Variants in COL21A1 observed in about 807,000 individuals in gnomAD.
COL21A1 encodes collagen type XXI alpha 1 chain, also known as collagen alpha-1(XXI) chain.
COL21A1 carries 149 observed loss-of-function variants against 137.9 expected under a neutral mutation model. That is an observed-to-expected ratio of 1.08 (90% confidence interval 0.95 to 1.24). COL21A1 has a LOEUF of 1.24. Among genes scored for constraint, COL21A1 ranks in the 50% most tolerant of loss-of-function variants. The probability of loss-of-function intolerance (pLI) is 0.00; values close to 1 mark genes in which losing one functional copy is unlikely to be tolerated. For synonymous variants in COL21A1, 456 were observed against 391.5 expected (o/e 1.16, Z -1.95); for missense variants, 1,167 against 1,158.4 (o/e 1.01, Z -0.11).
chr6:56,296,440 C>G (rs1015000484), intron 1 of COL21A1, among the ~76,000 whole-genome samples: 5 of 151,874 alleles, frequency 3.3e-5, no homozygotes, highest in Admixed American at 2.0e-4. Context: ...AAAATTTGGT[C>G]CATGATACTT....
chr6:56,141,985 T>G lies in COL21A1; in HGVS notation c.1435-2A>C. ...TGTCCCTGCAATTCCCTGATATCCC[T>G]AAAGAAAAATTTAAAAAGAAAAAAA... On this transcript the variant is annotated splice_acceptor_variant, in intron 10 of 29. Coordinates refer to ENST00000244728, the MANE Select transcript of COL21A1 (RefSeq NM_030820.4). LOFTEE classifies it high-confidence loss of function. The G allele has an allele frequency of 2.0e-6, 3 of 1,514,938 alleles. No homozygotes were observed. The South Asian group carries it at 3.9e-5, about 19-fold the overall frequency. 93.8% of individuals were successfully genotyped at this position (1,514,938 alleles called of 1,614,324 possible).
chr6:56,374,985 C>G (rs2093996578), intron 1 of COL21A1, among the ~76,000 whole-genome samples: 1 of 152,154 alleles, frequency 6.6e-6, no homozygotes, highest in South Asian at 2.1e-4. Flanking sequence ...CAACCCTCAT[C>G]TAGTGTCACT....
intron 10 of COL21A1, among the ~76,000 whole-genome samples, chr6:56,154,816 C>A (rs1775615069): frequency 6.6e-6 from 1 of 152,182 alleles, no homozygotes; most frequent in Admixed American, 6.5e-5. Context: ...AACAACCACA[C>A]AACATCACCT....
chr6:56,125,878 C>T (rs1773014411), intron 13 of COL21A1, among the ~76,000 whole-genome samples: 1 of 151,834 alleles, frequency 6.6e-6, no homozygotes, highest in Non-Finnish European at 1.5e-5. Context: ...AGTATAACAT[C>T]AATTTTTAAA....
intron 1 of COL21A1, among the ~76,000 whole-genome samples, chr6:56,185,496 C>T (rs929667097): frequency 2.9e-5 from 4 of 137,208 alleles, no homozygotes; most frequent in Non-Finnish European, 3.0e-5. Flanking sequence ...ACTGCAGTGG[C>T]GCAATCTCAG....
At chr6:56,312,367 A>T (rs1764632755) in intron 1 of COL21A1, among the ~76,000 whole-genome samples, 1 of 152,166 alleles carries the variant, frequency 6.6e-6, no homozygotes, top group Non-Finnish European at 1.5e-5. Flanking sequence ...GAATTTGATG[A>T]TTGATTGGCC....
chr6:56,078,195 C>T (rs1270301041), intron 17 of COL21A1: 1 of 455,736 alleles, frequency 2.2e-6, no homozygotes. Flanking sequence ...ATGTCTGTAG[C>T]AACATTCAGA....
intron 1 of COL21A1, among the ~76,000 whole-genome samples, chr6:56,267,153 T>C (rs1582743892): frequency 6.6e-6 from 1 of 152,118 alleles, no homozygotes; most frequent in Non-Finnish European, 1.5e-5. Flanking sequence ...AAGTTGTAAG[T>C]TGACATTCAA....
chr6:56,245,006 T>G (rs893998621), intron 1 of COL21A1, among the ~76,000 whole-genome samples: 1 of 152,224 alleles, frequency 6.6e-6, no homozygotes, highest in Admixed American at 6.5e-5. Context: ...TTACCTCACC[T>G]ACTCTTTTTG....
At chr6:56,127,724 A>G (rs1297559731) in intron 12 of COL21A1, among the ~76,000 whole-genome samples, 2 of 152,164 alleles carry the variant, frequency 1.3e-5, no homozygotes, top group Non-Finnish European at 2.9e-5. Flanking sequence ...ATTCCTGAAC[A>G]TTTGTATGTA....
intron 1 of COL21A1, among the ~76,000 whole-genome samples, chr6:56,369,950 T>C (rs955305203): frequency 6.6e-6 from 1 of 152,220 alleles, no homozygotes; most frequent in East Asian, 1.9e-4. Context: ...TATATTTTAA[T>C]TGGAAAAGTA....
intron 16 of COL21A1, among the ~76,000 whole-genome samples, chr6:56,118,969 T>C (rs1388713436): frequency 2.0e-5 from 3 of 152,046 alleles, no homozygotes; most frequent in Admixed American, 6.6e-5. Context: ...ACAGCTAGCA[T>C]CATACTGAAT....
chr6:56,231,484 A>G (rs1781556422), intron 1 of COL21A1, among the ~76,000 whole-genome samples: 1 of 151,868 alleles, frequency 6.6e-6, no homozygotes, highest in South Asian at 2.1e-4. Context: ...AAGACATTGC[A>G]GGAATTTGAG....
intron 29 of COL21A1, 83 bp from the exon 30 acceptor site, chr6:56,057,927 T>TG (rs2114014142): frequency 1.1e-6 from 1 of 937,640 alleles, no homozygotes; most frequent in East Asian, 3.1e-5. Context: ...AAACTTAAAC[T>TG]GAAAAAAAAA....
chr6:56,103,242 T>A (rs1770609221), intron 16 of COL21A1, among the ~76,000 whole-genome samples: 1 of 152,166 alleles, frequency 6.6e-6, no homozygotes, highest in Non-Finnish European at 1.5e-5. Context: ...GCCAGCAATC[T>A]GTGTTAATAA....
chr6:56,296,487 C>T (rs980419085), intron 1 of COL21A1, among the ~76,000 whole-genome samples: 2 of 151,934 alleles, frequency 1.3e-5, no homozygotes, highest in African/African-American at 2.4e-5. Context: ...TATAATGATA[C>T]GTTTAAAGTA....
chr6:56,195,137 T>C (rs1366240246), intron 1 of COL21A1, among the ~76,000 whole-genome samples: 1 of 152,170 alleles, frequency 6.6e-6, no homozygotes, highest in Non-Finnish European at 1.5e-5. Context: ...TGTGGCCTCT[T>C]GACCTTGGAT....
intron 1 of COL21A1, among the ~76,000 whole-genome samples, chr6:56,200,439 A>C (rs1407882363): frequency 3.5e-5 from 5 of 142,396 alleles, no homozygotes; most frequent in Non-Finnish European, 6.1e-5. Context: ...ATAACTCCTA[A>C]TGCTATCCCT....
intron 10 of COL21A1, among the ~76,000 whole-genome samples, chr6:56,155,843 T>C (rs74495174): frequency 0.031 from 4,674 of 152,278 alleles, 173 homozygotes; most frequent in African/African-American, 0.085. Flanking sequence ...TCTCAAGTGA[T>C]CCACCCACCT....
Sources: allele counts gnomAD v4.1 joint callset (sites outside exome capture counted in the v4.1 genomes callset), GRCh38; gene constraint gnomAD v4.1.1; transcripts MANE v1.5; gene names NCBI Gene and HGNC (gene_info 2026-07-23, HGNC 2026-07-21).